OR8J3: variants seen among roughly 807,000 people sequenced by gnomAD.
OR8J3 encodes the protein olfactory receptor family 8 subfamily J member 3, also known as olfactory receptor 8J3.
For synonymous variants in OR8J3, 170 were observed against 142.6 expected (o/e 1.19, Z -1.37); for missense variants, 418 against 379.8 (o/e 1.10, Z -0.84).
rs749786781 is a variant in OR8J3 at position 56,137,714 on chromosome 11, G to C, written c.5C>G (p.Ala2Gly). 1 of 1,596,554 alleles carries C rather than the reference G, an allele frequency of 6.3e-7. No individual in the cohort carries two copies. M[A>G]PENFTRVTEF... is the part of the protein sequence containing the mutation. ...AGTGACCCTGGTGAAATTTTCAGGA[G>C]CCATGTCAGAGTTTGGAAATTCATC... The change falls in exon 2 of 2, where the codon GCT becomes GGT. Residue 2 changes from alanine (A) to glycine (G), a missense_variant. Physicochemically the swap from Ala to Gly is moderately conservative, Grantham distance 60. Coordinates refer to ENST00000642058, the MANE Select transcript of OR8J3 (RefSeq NM_001004064.2).
rs778247543 is a variant in OR8J3, at chr11:56,136,985, A to G, written c.734T>C (p.Met245Thr). The change falls in exon 2 of 2, where the codon ATG becomes ACG. Residue 245 changes from methionine (M) to threonine (T), a missense_variant. Physicochemically the swap from Met to Thr is moderately conservative, Grantham distance 81. Transcript: ENST00000642058. Reference sequence around the variant, plus strand: ...CCCATAGAAAACCGTGACTGCTATCATATGCGAAGCGCAGGTGGAAAAGGC... The same window carrying G: ...CCCATAGAAAACCGTGACTGCTATCGTATGCGAAGCGCAGGTGGAAAAGGC... ...KKAFSTCASH[M>T]IAVTVFYGTM... is the part of the protein sequence containing the mutation. The G allele has an allele frequency of 6.2e-6, 10 of 1,613,702 alleles. No individual in the cohort carries two copies. The highest frequency in any genetic ancestry group is 3.3e-5 in the South Asian group (3 of 90,946).
Position 56,137,782 on chromosome 11 carries a change from ATTT to A in OR8J3, c.-67_-65del, listed in dbSNP as rs1854350974. On this transcript the variant is annotated 5_prime_UTR_variant, in exon 2 of 2. In the 5' UTR this introduces an upstream ATG that the reference lacks. Transcript: ENST00000642058. ...AAGTGGTTATAGACGTTAAGGAATC[ATTT>A]TCTAGGATTTCCACTAGATGGCAAG... The A allele has an allele frequency of 7.5e-7, 1 of 1,327,126 alleles. No homozygotes were observed. Among genetic ancestry groups the A allele is most frequent in the Admixed American group, 2.3e-5 (1 of 43,816 alleles). 82.2% of individuals were successfully genotyped at this position (1,327,126 alleles called of 1,614,324 possible).
rs944203335 is a variant in OR8J3 at position 56,138,297 on chromosome 11, C to G, written c.-579G>C. The G allele has an allele frequency of 6.6e-6, 1 of 152,168 alleles. No individual in the cohort carries two copies. The highest frequency in any genetic ancestry group is 1.5e-5 in the Non-Finnish European group (1 of 68,062). The allele number at this position is 152,168 out of a possible 1,614,324, so 9.4% of individuals were successfully genotyped here. ...TCTCTTTCCATTTTATTAACTCAAA[C>G]AAAAATACATGGATAAATCTCTTCA... On this transcript the variant is annotated 5_prime_UTR_variant, in exon 2 of 2. Transcript: ENST00000642058.
In OR8J3 at chr11:56,137,419, T is replaced by G. The variant is rs780566048; in HGVS notation, c.300A>C (p.Gln100His). Residue 100 changes from glutamine (Q) to histidine (H), a missense_variant, in exon 2 of 2, where the codon CAA (glutamine) becomes CAC (histidine). By Grantham distance (24) the Gln-to-His change is conservative. Transcript: ENST00000642058. ...KTTSFYECAT[Q>H]LGGFLFFIVS... ...CAATAAAGAACAAGAACCCTCCCAG[T>G]TGGGTGGCACATTCATAGAATGAGG... 2 of 1,613,908 alleles carry G rather than the reference T, an allele frequency of 1.2e-6. No homozygotes were observed. Among genetic ancestry groups the G allele is most frequent in the African/African-American group, 2.7e-5 (2 of 74,866 alleles).
intron 1 of OR8J3, among the ~76,000 whole-genome samples, chr11:56,138,979 C>A (rs1854363709): frequency 6.6e-6 from 1 of 151,628 alleles, no homozygotes; most frequent in Non-Finnish European, 1.5e-5. Context: ...GGAATAAACA[C>A]CTTCATTTTG....
intron 1 of OR8J3, among the ~76,000 whole-genome samples, chr11:56,139,865 A>G (rs1854372105): frequency 6.6e-6 from 1 of 152,268 alleles, no homozygotes; most frequent in Non-Finnish European, 1.5e-5. Context: ...TATCTGGGAA[A>G]AAATATGGCC....
chr11:56,135,260 A>T lies in OR8J3; in HGVS notation c.*1511T>A, dbSNP rs1402746518. On this transcript the variant is annotated 3_prime_UTR_variant, in exon 2 of 2. Transcript: ENST00000642058. The stretch of plus-strand genomic sequence containing the variant: ...AAAACGTATTCAGTGGAATCCAAAG[A>T]TGACCTTTTATAAAAAAAAAAATTA... 5.3e-5 allele frequency: 5 copies of T among 94,318 alleles called. No individual in the cohort carries two copies. The East Asian group carries it at 1.6e-3, about 31-fold the overall frequency. The allele number at this position is 94,318 out of a possible 1,614,324, so 5.8% of individuals were successfully genotyped here.
Position 56,137,107 on chromosome 11 carries a change from T to G in OR8J3, c.612A>C (p.Ala204=), listed in dbSNP as rs766290415. ...IPETIVFISA[A]TNLVFSMITV... ...TAATCATGGAAAAAACCAAATTTGTTGCTGCAGATATAAAGACTATTGTTT... is the reference window on the plus strand; with the variant it reads ...TAATCATGGAAAAAACCAAATTTGTGGCTGCAGATATAAAGACTATTGTTT... Residue 204 remains alanine, a synonymous_variant, in exon 2 of 2, where the codon GCA becomes GCC. Coordinates refer to ENST00000642058, the MANE Select transcript of OR8J3 (RefSeq NM_001004064.2). 5 of 1,613,590 alleles carry G rather than the reference T, an allele frequency of 3.1e-6. No individual in the cohort carries two copies. Among genetic ancestry groups the G allele is most frequent in the Non-Finnish European group, 4.2e-6 (5 of 1,179,852 alleles).
In OR8J3 at chr11:56,137,930, T is replaced by C. The variant is rs1854352122; in HGVS notation, c.-212A>G. On this transcript the variant is annotated 5_prime_UTR_variant, in exon 2 of 2. Coordinates refer to ENST00000642058, the MANE Select transcript of OR8J3 (RefSeq NM_001004064.2). ...TTGGGAGAGAGTAAAGCAAGTATGG[T>C]AAATTTAGTATGGCAAAGTAAATAG... is the stretch of plus-strand genomic sequence containing the variant. 1.7e-5 allele frequency: 9 copies of C among 531,408 alleles called. No homozygotes were observed. The highest frequency in any genetic ancestry group is 1.1e-4 in the Admixed American group (3 of 27,584). 32.9% of individuals were successfully genotyped at this position (531,408 alleles called of 1,614,324 possible). A position where few individuals can be genotyped will look rare whatever the true frequency, so the allele number is the denominator to read the frequency against.
In OR8J3 at chr11:56,136,752, T is replaced by C; in HGVS notation, c.*19A>G. ...AGGTTACATGAACTATCTCTTCATT[T>C]ATTTATAGAGCTCTAAAATTACATT... is the stretch of plus-strand genomic sequence containing the variant. On this transcript the variant is annotated 3_prime_UTR_variant, in exon 2 of 2. Transcript: ENST00000642058. 7.3e-7 allele frequency: 1 copy of C among 1,379,208 alleles called. No homozygotes were observed. The highest frequency in any genetic ancestry group is 9.9e-7 in the Non-Finnish European group (1 of 1,007,876). The allele number at this position is 1,379,208 out of a possible 1,614,324, so 85.4% of individuals were successfully genotyped here. A position where few individuals can be genotyped will look rare whatever the true frequency, so the allele number is the denominator to read the frequency against.
Position 56,136,945 on chromosome 11 carries a change from C to T in OR8J3, c.774G>A (p.Met258Ile), listed in dbSNP as rs1234404221. Residue 258 changes from methionine (M) to isoleucine (I), a missense_variant, in exon 2 of 2, where the codon ATG becomes ATA. By Grantham distance (10) the Met-to-Ile change is conservative. Coordinates refer to ENST00000642058, the MANE Select transcript of OR8J3 (RefSeq NM_001004064.2). ...VTVFYGTMLF[M>I]YLQPQTNHSL... Reference sequence around the variant, plus strand: ...AGTGGTTGGTTTGGGGCTGCAAATACATAAATAGCATTGTCCCATAGAAAA... The same window carrying T: ...AGTGGTTGGTTTGGGGCTGCAAATATATAAATAGCATTGTCCCATAGAAAA... The T allele has an allele frequency of 1.2e-6, 2 of 1,613,836 alleles. No individual in the cohort carries two copies. Among genetic ancestry groups the T allele is most frequent in the Non-Finnish European group, 1.7e-6 (2 of 1,179,960 alleles).
intron 1 of OR8J3, among the ~76,000 whole-genome samples, chr11:56,139,282 C>G (rs1409739889): frequency 6.6e-6 from 1 of 152,072 alleles, no homozygotes; most frequent in Non-Finnish European, 1.5e-5. Context: ...TTCAGTTTCT[C>G]TCCTTCTAAA....
rs1854340274 is a variant in OR8J3 at position 56,137,193 on chromosome 11, G to T, written c.526C>A (p.His176Asn). The part of the protein sequence containing the change: ...VSYCSSNIIN[H>N]FYCDIAPLLA... ...AGAGGTGCAATATCACAGTAAAAATGATTGATTATATTAGAAGAGCAATAA... is the reference window on the plus strand; with the variant it reads ...AGAGGTGCAATATCACAGTAAAAATTATTGATTATATTAGAAGAGCAATAA... Residue 176 changes from histidine (H) to asparagine (N), a missense_variant, in exon 2 of 2, where the codon CAT becomes AAT. Coordinates refer to ENST00000642058, the MANE Select transcript of OR8J3 (RefSeq NM_001004064.2). The T allele has an allele frequency of 1.2e-6, 2 of 1,613,942 alleles. No individual in the cohort carries two copies. The highest frequency in any genetic ancestry group is 3.3e-5 in the Admixed American group (2 of 59,988).
At position 56,137,608 on chromosome 11, in the gene OR8J3, C is replaced by T; in HGVS notation, c.111G>A (p.Leu37=). ...TGATGCCCAGGTTCCCTGCCATGGT[C>T]AGCACATAGAGCACTAGGAAGACCA... ...LFLVFLVLYV[L]TMAGNLGIIT... Residue 37 remains leucine, a synonymous_variant, in exon 2 of 2, where the codon CTG becomes CTA. Coordinates refer to ENST00000642058, the MANE Select transcript of OR8J3 (RefSeq NM_001004064.2). The T allele has an allele frequency of 6.2e-7, 1 of 1,614,146 alleles. No individual in the cohort carries two copies. Among genetic ancestry groups the T allele is most frequent in the South Asian group, 1.1e-5 (1 of 91,076 alleles).
At position 56,134,971 on chromosome 11, in the gene OR8J3, C is replaced by T. The variant is rs1254193597; in HGVS notation, c.*1800G>A. 1 of 151,962 alleles carries T rather than the reference C, an allele frequency of 6.6e-6. No homozygotes were observed. Among genetic ancestry groups the T allele is most frequent in the Non-Finnish European group, 1.5e-5 (1 of 67,910 alleles). 9.4% of individuals were successfully genotyped at this position (151,962 alleles called of 1,614,324 possible). A position where few individuals can be genotyped will look rare whatever the true frequency, so the allele number is the denominator to read the frequency against. ...AACCAATGATTTTTCAACTGATAAACTTTCATTGCATTATAATATTTAGGG... is the reference window on the plus strand; with the variant it reads ...AACCAATGATTTTTCAACTGATAAATTTTCATTGCATTATAATATTTAGGG... On this transcript the variant is annotated 3_prime_UTR_variant, in exon 2 of 2. Transcript: ENST00000642058.
At position 56,135,228 on chromosome 11, in the gene OR8J3, T is replaced by TAACTAGAAAACGTATTCAGTGGA. The variant is rs1854318958; in HGVS notation, c.*1520_*1542dup. ...TTATTCCATTGTTCAATAGAAGGCCTAACTAGAAAACGTATTCAGTGGAAT... is the reference window on the plus strand; with the variant it reads ...TTATTCCATTGTTCAATAGAAGGCCTAACTAGAAAACGTATTCAGTGGAAACTAGAAAACGTATTCAGTGGAAT... On this transcript the variant is annotated 3_prime_UTR_variant, in exon 2 of 2. Transcript: ENST00000642058. 1 of 151,586 alleles carries TAACTAGAAAACGTATTCAGTGGA rather than the reference T, an allele frequency of 6.6e-6. No homozygotes were observed. Among genetic ancestry groups the TAACTAGAAAACGTATTCAGTGGA allele is most frequent in the Non-Finnish European group, 1.5e-5 (1 of 67,808 alleles). 9.4% of individuals were successfully genotyped at this position (151,586 alleles called of 1,614,324 possible).
chr11:56,136,861 A>T lies in OR8J3; in HGVS notation c.858T>A (p.Asn286Lys). 1.2e-6 allele frequency: 2 copies of T among 1,613,768 alleles called. No homozygotes were observed. Among genetic ancestry groups the T allele is most frequent in the Non-Finnish European group, 1.7e-6 (2 of 1,179,818 alleles). ...VFYTLVIPML[N>K]PLIYSLRNND... is the part of the protein sequence containing the mutation. ...TATTCCTCAGGCTGTAGATCAAGGG[A>T]TTCAGCATAGGAATCACCAATGTGT... Residue 286 changes from asparagine to lysine, a missense_variant, in exon 2 of 2, where the codon AAT (asparagine) becomes AAA (lysine). Asn to Lys is a moderately conservative substitution (Grantham distance 94, BLOSUM62 0). Transcript: ENST00000642058.
chr11:56,135,572 C>T lies in OR8J3; in HGVS notation c.*1199G>A, dbSNP rs1219811002. 1 of 151,786 alleles carries T rather than the reference C, an allele frequency of 6.6e-6. No homozygotes were observed. The highest frequency in any genetic ancestry group is 2.4e-5 in the African/African-American group (1 of 41,356). 9.4% of individuals were successfully genotyped at this position (151,786 alleles called of 1,614,324 possible). A position where few individuals can be genotyped will look rare whatever the true frequency, so the allele number is the denominator to read the frequency against. Reference sequence around the variant, plus strand: ...TAATATTATAATTATTCATATCATTCATAATTATTCATATCATAATTATTC... The same window carrying T: ...TAATATTATAATTATTCATATCATTTATAATTATTCATATCATAATTATTC... On this transcript the variant is annotated 3_prime_UTR_variant, in exon 2 of 2. Transcript: ENST00000642058.
In OR8J3 at chr11:56,139,356, A is replaced by G. The variant is rs537509737; in HGVS notation, c.-780+817T>C. Among the ~76,000 whole-genome samples the G allele has an allele frequency of 4.7e-5, 7 of 150,274 alleles. No individual in the cohort carries two copies. In the South Asian group the frequency reaches 1.3e-3, roughly 27 times the overall value. The stretch of plus-strand genomic sequence containing the variant: ...AGTGAGAAAAAATAAAGAAGTGACT[A>G]CTTAAAAAAAGAAAACAGAGAAATA... On this transcript the variant is annotated intron_variant, in intron 1 of 1. Coordinates refer to ENST00000642058, the MANE Select transcript of OR8J3 (RefSeq NM_001004064.2).
Sources: allele counts gnomAD v4.1 joint callset (sites outside exome capture counted in the v4.1 genomes callset), GRCh38; gene constraint gnomAD v4.1.1; transcripts MANE v1.5; gene names NCBI Gene and HGNC (gene_info 2026-07-23, HGNC 2026-07-21).